The following TRPM3 variants were observed in gnomAD, a reference collection of about 807,000 sequenced individuals.
TRPM3 encodes long transient receptor potential channel 3.
In TRPM3, 77 loss-of-function variants were observed where a neutral mutation model predicts 181.2. The observed-to-expected ratio is 0.42, with a 90% CI of 0.35 to 0.51. TRPM3 has a LOEUF of 0.51. Among genes scored for constraint, TRPM3 ranks in the 20% least tolerant of loss-of-function variants. The pLI, the probability that TRPM3 is intolerant of heterozygous loss-of-function variation, is 0.01. For missense variants in TRPM3, 1,759 were observed against 2,196.7 expected (o/e 0.80, Z 3.98); for synonymous variants, 745 against 796.4 (o/e 0.94, Z 1.09).
At chr9:71,269,745 A>G (rs1455174655) in intron 1 of TRPM3, among the ~76,000 whole-genome samples, 1 of 152,166 alleles carries the variant, frequency 6.6e-6, no homozygotes. Context: ...TATAAAATAT[A>G]TTTTTGCCTG....
rs114363978 is a variant in TRPM3 at position 71,201,736 on chromosome 9, C to T, written c.183+244917G>A. Among the ~76,000 whole-genome samples the T allele has an allele frequency of 7.1e-3, 1,071 of 151,432 alleles. 18 individuals carry two copies. Among genetic ancestry groups the T allele is most frequent in the African/African-American group, 0.025 (1,015 of 41,408 alleles). On this transcript the variant is annotated intron_variant, in intron 1 of 24. Coordinates refer to the TRPM3 transcript ENST00000357533. ...GCTTTCAGCTCCATCAGCTCCTTTG[C>T]CTTTGGTTTGAATTGAACTTCTTTG...
intron 8 of TRPM3, among the ~76,000 whole-genome samples, chr9:70,758,087 T>C (rs921250279): frequency 6.6e-6 from 1 of 152,192 alleles, no homozygotes; most frequent in Non-Finnish European, 1.5e-5. Flanking sequence ...AACCCCATCG[T>C]CTCAGCCCAA....
At chr9:70,974,113 G>A (rs960798065) in intron 1 of TRPM3, among the ~76,000 whole-genome samples, 8 of 152,288 alleles carry the variant, frequency 5.3e-5, no homozygotes, top group Middle Eastern at 6.8e-3. Flanking sequence ...ATAGTTTGAA[G>A]GAATTCTTTC....
chr9:70,647,008 T>A (rs1026621293), intron 9 of TRPM3, among the ~76,000 whole-genome samples: 2 of 152,070 alleles, frequency 1.3e-5, no homozygotes, highest in Admixed American at 1.3e-4. Flanking sequence ...ACTGAATACC[T>A]GAACAGAGCA....
chr9:71,236,249 T>C (rs1035241378), intron 1 of TRPM3, among the ~76,000 whole-genome samples: 16 of 152,182 alleles, frequency 1.1e-4, no homozygotes, highest in Admixed American at 6.5e-4. Context: ...CATGTATGGA[T>C]TGTGGTAAGT....
chr9:71,121,622 G>A (rs1331499924), upstream of TRPM3: 11 of 1,211,290 alleles, frequency 9.1e-6, no homozygotes, highest in Middle Eastern at 6.6e-4. Flanking sequence ...GCTCCAGAAT[G>A]CGCGCTCCCT....
At chr9:71,321,310 G>T (rs1425146026) in intron 1 of TRPM3, among the ~76,000 whole-genome samples, 1 of 152,024 alleles carries the variant, frequency 6.6e-6, no homozygotes, top group African/African-American at 2.4e-5. Context: ...CTCTTTCCTA[G>T]ATTATACCAA....
intron 1 of TRPM3, among the ~76,000 whole-genome samples, chr9:70,916,704 T>C (rs1422731605): frequency 6.6e-6 from 1 of 152,220 alleles, no homozygotes; most frequent in Non-Finnish European, 1.5e-5. Context: ...TCTTAGTGCT[T>C]AGACTTTCTA....
At chr9:70,894,569 G>A (rs1452244712) in intron 1 of TRPM3, among the ~76,000 whole-genome samples, 1 of 152,108 alleles carries the variant, frequency 6.6e-6, no homozygotes, top group African/African-American at 2.4e-5. Context: ...TTAGGAACTT[G>A]GGAGTACAGT....
rs143859298 is a variant in TRPM3 at position 70,688,869 on chromosome 9, A to G, written c.1273-7291T>C. Among the ~76,000 whole-genome samples, 192 of 152,300 alleles carry G rather than the reference A, an allele frequency of 1.3e-3. 1 individual carries two copies. The highest frequency in any genetic ancestry group is 4.3e-3 in the African/African-American group (180 of 41,566). ...TTCTCTAAGCTTAAGGCATTCCAGGATGCCACTTCCAATCTCTATTTGCAC... is the reference window on the plus strand; with the variant it reads ...TTCTCTAAGCTTAAGGCATTCCAGGGTGCCACTTCCAATCTCTATTTGCAC... On this transcript the variant is annotated intron_variant, in intron 8 of 25. Coordinates refer to ENST00000677713, the MANE Select transcript of TRPM3 (RefSeq NM_001366145.2).
At chr9:70,792,819 A>G (rs1004441136) in intron 6 of TRPM3, among the ~76,000 whole-genome samples, 1 of 152,192 alleles carries the variant, frequency 6.6e-6, no homozygotes, top group African/African-American at 2.4e-5. Flanking sequence ...AAATATTAAT[A>G]TTTTAGACAT....
At chr9:70,694,036 T>C (rs2069412916) in intron 8 of TRPM3, among the ~76,000 whole-genome samples, 1 of 152,224 alleles carries the variant, frequency 6.6e-6, no homozygotes, top group African/African-American at 2.4e-5. Flanking sequence ...CCTTGCCTGG[T>C]GGAGCAGTGG....
rs142250447 is a variant in TRPM3 at position 71,067,808 on chromosome 9, A to G, written c.177+53370T>C. ...ATTTTTAAAGTCCTCGGAGATATCAATGACCACATACTAAGATCTCCATGT... is the reference window on the plus strand; with the variant it reads ...ATTTTTAAAGTCCTCGGAGATATCAGTGACCACATACTAAGATCTCCATGT... On this transcript the variant is annotated intron_variant, in intron 1 of 25. Transcript: ENST00000677713. Among the ~76,000 whole-genome samples, 45 of 152,316 alleles carry G rather than the reference A, an allele frequency of 3.0e-4. No homozygotes were observed. In the East Asian group the frequency reaches 8.1e-3, roughly 27 times the overall value.
chr9:71,210,629 A>G (rs556824463), intron 1 of TRPM3, among the ~76,000 whole-genome samples: 30 of 152,244 alleles, frequency 2.0e-4, no homozygotes, highest in African/African-American at 7.0e-4. Flanking sequence ...CTATCAAACA[A>G]CCTCAAGAGT....
At chr9:71,424,386 C>T (rs573548423) in intron 1 of TRPM3, among the ~76,000 whole-genome samples, 10 of 152,198 alleles carry the variant, frequency 6.6e-5, no homozygotes, top group African/African-American at 2.4e-4. Context: ...TCCTTGACCA[C>T]ACATATGGCC....
intron 1 of TRPM3, among the ~76,000 whole-genome samples, chr9:71,347,980 A>G (rs537269230): frequency 2.0e-5 from 3 of 152,278 alleles, no homozygotes; most frequent in African/African-American, 7.2e-5. Flanking sequence ...TGGTTGAGAA[A>G]AAAGTTAAAA....
intron 1 of TRPM3, among the ~76,000 whole-genome samples, chr9:71,326,388 T>A (rs2132502392): frequency 6.6e-6 from 1 of 152,336 alleles, no homozygotes; most frequent in East Asian, 1.9e-4. Context: ...GCTCTTTGTA[T>A]CACAAGTATG....
At chr9:71,191,554 C>T (rs1317222574) in intron 1 of TRPM3, among the ~76,000 whole-genome samples, 1 of 151,638 alleles carries the variant, frequency 6.6e-6, no homozygotes, top group Non-Finnish European at 1.5e-5. Context: ...AATTCTTAAA[C>T]TTTGAGTTCT....
chr9:70,871,401 T>C (rs947304703), intron 1 of TRPM3, among the ~76,000 whole-genome samples: 1 of 152,032 alleles, frequency 6.6e-6, no homozygotes, highest in African/African-American at 2.4e-5. Context: ...TTTTACCCGA[T>C]TCTCTCCAGT....
Sources: allele counts gnomAD v4.1 joint callset (sites outside exome capture counted in the v4.1 genomes callset), GRCh38; gene constraint gnomAD v4.1.1; transcripts MANE v1.5; gene names NCBI Gene and HGNC (gene_info 2026-07-23, HGNC 2026-07-21).